The following CACNA1E variants were observed in gnomAD, a reference collection of about 807,000 sequenced individuals.
CACNA1E encodes calcium voltage-gated channel subunit alpha1 E, also known as voltage-dependent R-type calcium channel subunit alpha-1E.
In CACNA1E, 40 loss-of-function variants were observed where a neutral mutation model predicts 259.2. The observed-to-expected ratio is 0.15, with a 90% CI of 0.12 to 0.20. The LOEUF (loss-of-function observed/expected upper bound fraction) is 0.20. Ranked by LOEUF, CACNA1E falls within the 10% of genes least tolerant of loss-of-function variation. The pLI is 1.00. For synonymous variants in CACNA1E, 1,104 were observed against 1,138.5 expected (o/e 0.97, Z 0.61); for missense variants, 1,874 against 3,040.1 (o/e 0.62, Z 9.02).
intron 6 of CACNA1E, among the ~76,000 whole-genome samples, chr1:181,635,047 AC>A (rs1371838816): frequency 6.6e-6 from 1 of 152,184 alleles, no homozygotes; most frequent in Non-Finnish European, 1.5e-5. Flanking sequence ...GCACCTCTAC[AC>A]TGGCTTTCAG....
chr1:181,529,848 G>A (rs977992507), intron 3 of CACNA1E, among the ~76,000 whole-genome samples: 1 of 152,210 alleles, frequency 6.6e-6, no homozygotes, highest in Non-Finnish European at 1.5e-5. Context: ...AGGCTCATAG[G>A]TGGAAGGGAC....
At chr1:181,617,209 G>T (rs954906731) in intron 6 of CACNA1E, among the ~76,000 whole-genome samples, 1 of 150,106 alleles carries the variant, frequency 6.7e-6, no homozygotes. Flanking sequence ...AATTTGAGGG[G>T]TTTAATATGC....
At chr1:181,484,901 A>T (rs545622227) in intron 1 of CACNA1E, among the ~76,000 whole-genome samples, 1 of 152,218 alleles carries the variant, frequency 6.6e-6, no homozygotes, top group African/African-American at 2.4e-5. Context: ...GGTGGGGGCC[A>T]TCTCTGATGG....
chr1:181,740,194 T>C (rs1189166535), intron 25 of CACNA1E, among the ~76,000 whole-genome samples: 2 of 152,172 alleles, frequency 1.3e-5, no homozygotes, highest in Admixed American at 1.3e-4. Context: ...ATCTTTAGGC[T>C]AAGCAAGGCT....
intron 3 of CACNA1E, among the ~76,000 whole-genome samples, chr1:181,515,390 C>G (rs901852100): frequency 6.6e-6 from 1 of 152,142 alleles, no homozygotes; most frequent in African/African-American, 2.4e-5. Context: ...CTGATTTCTT[C>G]CTTAAATGGC....
chr1:181,617,409 C>A (rs906817096), intron 6 of CACNA1E, among the ~76,000 whole-genome samples: 3 of 152,038 alleles, frequency 2.0e-5, no homozygotes, highest in African/African-American at 7.3e-5. Context: ...AGAGAATGAG[C>A]ACTGAGGTCT....
intron 1 of CACNA1E, among the ~76,000 whole-genome samples, chr1:181,501,881 A>C (rs1056678737): frequency 3.3e-5 from 5 of 152,308 alleles, no homozygotes; most frequent in South Asian, 2.1e-4. Context: ...TTAAGGCTGG[A>C]AGTCACATGA....
chr1:181,388,567 T>C (rs540569054), intron 1 of CACNA1E, among the ~76,000 whole-genome samples: 2 of 152,260 alleles, frequency 1.3e-5, no homozygotes, highest in Admixed American at 1.3e-4. Flanking sequence ...AATAAACATA[T>C]ATAAGCATAG....
intron 46 of CACNA1E, 93 bp from the exon 47 acceptor site, chr1:181,796,575 A>C (rs1661824957): frequency 1.1e-6 from 1 of 949,858 alleles, no homozygotes. Context: ...GCCCAACCCC[A>C]GGCTGTGATG....
intron 26 of CACNA1E, chr1:181,751,908 C>T (rs1017393124): frequency 5.0e-5 from 33 of 653,632 alleles, no homozygotes; most frequent in African/African-American, 1.4e-4. Context: ...TGAGTGTGTA[C>T]GTGCATGTGG....
intron 1 of CACNA1E, among the ~76,000 whole-genome samples, chr1:181,499,493 G>A (rs1266363226): frequency 1.3e-5 from 2 of 152,186 alleles, no homozygotes; most frequent in East Asian, 3.8e-4. Flanking sequence ...CCTGGTCTCA[G>A]CATCTACATC....
At chr1:181,321,604 G>T (rs1211248923) in intron 1 of CACNA1E, among the ~76,000 whole-genome samples, 1 of 152,158 alleles carries the variant, frequency 6.6e-6, no homozygotes, top group African/African-American at 2.4e-5. Context: ...ATAGTGTGTT[G>T]GTTGGGTCCC....
At chr1:181,671,757 A>G (rs1412439204) in intron 7 of CACNA1E, among the ~76,000 whole-genome samples, 2 of 152,206 alleles carry the variant, frequency 1.3e-5, no homozygotes, top group Non-Finnish European at 2.9e-5. Flanking sequence ...CAAAAACCGG[A>G]GCAATAGGAC....
chr1:181,425,945 T>A (rs568722160), intron 2 of CACNA1E, among the ~76,000 whole-genome samples: 17 of 152,248 alleles, frequency 1.1e-4, no homozygotes, highest in African/African-American at 4.1e-4. Context: ...TCAGCCTCAC[T>A]GCTGTTCTAA....
intron 1 of CACNA1E, among the ~76,000 whole-genome samples, chr1:181,386,368 G>T (rs1424103129): frequency 6.6e-6 from 1 of 152,204 alleles, no homozygotes; most frequent in East Asian, 1.9e-4. Flanking sequence ...AGGTCAGGAA[G>T]AAGCTCAATC....
chr1:181,689,854 C>G (rs536303655), intron 7 of CACNA1E, among the ~76,000 whole-genome samples: 9 of 151,534 alleles, frequency 5.9e-5, no homozygotes, highest in Non-Finnish European at 4.4e-5. Flanking sequence ...TGTTTAAGTT[C>G]TTTGTAGATT....
intron 43 of CACNA1E, among the ~76,000 whole-genome samples, 170 bp from the exon 44 acceptor site, chr1:181,790,275 C>T (rs1661180353): frequency 1.4e-5 from 2 of 146,752 alleles, no homozygotes; most frequent in South Asian, 4.4e-4. Flanking sequence ...ACATCAGTTT[C>T]TGTCTCTTCT....
At chr1:181,398,337 CTTAAA>C (rs942313179) in intron 1 of CACNA1E, among the ~76,000 whole-genome samples, 4 of 152,282 alleles carry the variant, frequency 2.6e-5, no homozygotes, top group African/African-American at 9.6e-5. Context: ...GTGCCAAAAC[CTTAAA>C]TTAGATTAAG....
intron 25 of CACNA1E, among the ~76,000 whole-genome samples, chr1:181,749,294 G>A (rs917428280): frequency 6.6e-6 from 1 of 152,176 alleles, no homozygotes; most frequent in East Asian, 1.9e-4. Context: ...CCAGGATAGG[G>A]AATCATGAGA....
Sources: gnomAD v4.1 joint callset for allele counts (sites outside exome capture counted in the v4.1 genomes callset) on GRCh38, gnomAD v4.1.1 for gene constraint, MANE v1.5 for transcripts, NCBI Gene and HGNC (gene_info 2026-07-23, HGNC 2026-07-21) for gene names.